Variants in TRHDE observed in about 807,000 individuals in gnomAD.
TRHDE encodes thyrotropin-releasing hormone-degrading ectoenzyme.
A neutral mutation model predicts 125.7 loss-of-function variants in TRHDE; 72 were observed. The ratio of observed to expected loss-of-function variants is 0.57; its 90% CI spans 0.47 to 0.70. The LOEUF (loss-of-function observed/expected upper bound fraction) is 0.70, where lower values mean the gene tolerates loss of function less well. Among genes scored for constraint, TRHDE ranks in the 30% least tolerant of loss-of-function variants. TRHDE has a pLI of 0.00. For missense variants in TRHDE, 1,110 were observed against 1,327.1 expected (o/e 0.84, Z 2.54); for synonymous variants, 509 against 509.1 (o/e 1.00, Z 0.00).
chr12:72,295,121 T>G (rs1880239283), intron 2 of TRHDE, among the ~76,000 whole-genome samples: 1 of 21,762 alleles, frequency 4.6e-5, no homozygotes, highest in Non-Finnish European at 8.8e-5. Context: ...ACTGCAGCTG[T>G]GGTGGGGGGT....
chr12:72,655,612 T>TA (rs1449470572), intron 17 of TRHDE, among the ~76,000 whole-genome samples: 1 of 152,154 alleles, frequency 6.6e-6, no homozygotes, highest in African/African-American at 2.4e-5. Context: ...TTAGCCACAA[T>TA]ACGTGGAAAT....
chr12:72,412,337 A>T (rs1873548371), intron 3 of TRHDE, among the ~76,000 whole-genome samples: 1 of 152,150 alleles, frequency 6.6e-6, no homozygotes, highest in Non-Finnish European at 1.5e-5. Flanking sequence ...AAGATAACCA[A>T]TTTTATTAAT....
intron 2 of TRHDE, among the ~76,000 whole-genome samples, chr12:72,252,752 C>A (rs1420261232): frequency 6.6e-6 from 1 of 152,068 alleles, no homozygotes; most frequent in Non-Finnish European, 1.5e-5. Context: ...TATGTTGAGT[C>A]TTCCAATTTG....
chr12:72,127,158 T>A (rs1875733385), intron 2 of TRHDE, among the ~76,000 whole-genome samples: 1 of 152,086 alleles, frequency 6.6e-6, no homozygotes, highest in African/African-American at 2.4e-5. Context: ...CTTACACCAG[T>A]CAGAATGGCT....
chr12:72,525,638 A>T (rs780892235), intron 6 of TRHDE, among the ~76,000 whole-genome samples: 18,051 of 117,776 alleles, frequency 0.15, 1,162 homozygotes, highest in Middle Eastern at 0.29. Flanking sequence ...TGTGTGTGAG[A>T]GAGAGAGAGA....
Position 72,668,103 on chromosome 12 carries a change from A to G in TRHDE, c.*4908A>G, listed in dbSNP as rs1875165588. On this transcript the variant is annotated 3_prime_UTR_variant, in exon 19 of 19. Transcript: ENST00000261180. ...TTCTAGAATCCCAAATTTTAATTAT[A>G]TAAGAACAACCTTTTGTTCAATTGC... 1.3e-5 allele frequency: 2 copies of G among 151,748 alleles called. No homozygotes were observed. Among genetic ancestry groups the G allele is most frequent in the African/African-American group, 2.4e-5 (1 of 41,434 alleles). 9.4% of individuals were successfully genotyped at this position (151,748 alleles called of 1,614,324 possible).
At chr12:72,479,924 G>A (rs1877086968) in intron 5 of TRHDE, among the ~76,000 whole-genome samples, 1 of 149,834 alleles carries the variant, frequency 6.7e-6, no homozygotes, top group South Asian at 2.1e-4. Flanking sequence ...TTGGTTTTTT[G>A]TCCTTGCAGT....
chr12:72,400,820 G>C (rs895091754), intron 3 of TRHDE, among the ~76,000 whole-genome samples: 6 of 152,076 alleles, frequency 3.9e-5, no homozygotes, highest in African/African-American at 1.4e-4. Flanking sequence ...ATGTTCTCTT[G>C]TGTCTTCTTA....
At chr12:72,436,652 A>C (rs572504221) in intron 3 of TRHDE, among the ~76,000 whole-genome samples, 2 of 152,018 alleles carry the variant, frequency 1.3e-5, no homozygotes, top group African/African-American at 4.8e-5. Flanking sequence ...TTCCAAGAGA[A>C]TCAGCCTGAC....
chr12:72,105,480 G>A (rs1367475584), intron 1 of TRHDE, among the ~76,000 whole-genome samples: 1 of 152,110 alleles, frequency 6.6e-6, no homozygotes, highest in Non-Finnish European at 1.5e-5. Flanking sequence ...AGCTGTGAAT[G>A]CCAAGCATGG....
intron 3 of TRHDE, among the ~76,000 whole-genome samples, chr12:72,422,269 C>T (rs1159450415): frequency 1.3e-5 from 2 of 152,102 alleles, no homozygotes; most frequent in African/African-American, 4.8e-5. Context: ...AATTGGTTAA[C>T]TTGCAGTCAG....
chr12:72,462,195 T>G lies in TRHDE; in HGVS notation c.1316-7563T>G, dbSNP rs563841524. 2.6e-5 allele frequency among the ~76,000 whole-genome samples: 4 copies of G among 152,268 alleles called. No individual in the cohort carries two copies. In the South Asian group the frequency reaches 8.3e-4, roughly 32 times the overall value. On this transcript the variant is annotated intron_variant, in intron 3 of 18. Transcript: ENST00000261180. The stretch of plus-strand genomic sequence containing the variant: ...CTAGAGTACAGCCTGGTGACAACAT[T>G]GAAGGTGAAATTCAAAGAGTGAAGT...
At chr12:72,343,338 T>C (rs1870168118) in intron 2 of TRHDE, among the ~76,000 whole-genome samples, 1 of 151,928 alleles carries the variant, frequency 6.6e-6, no homozygotes, top group Non-Finnish European at 1.5e-5. Flanking sequence ...TACAAAACAG[T>C]CGGCCGTTTA....
chr12:72,318,893 T>A (rs550625738), intron 2 of TRHDE, among the ~76,000 whole-genome samples: 8 of 151,972 alleles, frequency 5.3e-5, no homozygotes, highest in Non-Finnish European at 7.4e-5. Context: ...AGGGTACCCA[T>A]GAGAAAGGAA....
chr12:72,221,577 G>C (rs1024665175), intron 2 of TRHDE, among the ~76,000 whole-genome samples: 1 of 151,944 alleles, frequency 6.6e-6, no homozygotes, highest in African/African-American at 2.4e-5. Flanking sequence ...AAAAGGTGCA[G>C]AACTAGGGAG....
intron 2 of TRHDE, among the ~76,000 whole-genome samples, chr12:72,363,371 A>G (rs1032727899): frequency 7.9e-5 from 12 of 151,914 alleles, no homozygotes; most frequent in Non-Finnish European, 8.8e-5. Flanking sequence ...AAAATCCTCA[A>G]TAAAATACTG....
intron 2 of TRHDE, among the ~76,000 whole-genome samples, chr12:72,376,345 G>A (rs564106611): frequency 6.6e-6 from 1 of 152,110 alleles, no homozygotes; most frequent in Non-Finnish European, 1.5e-5. Context: ...TTTTTTAAAG[G>A]TCCGCTTCCT....
intron 2 of TRHDE, among the ~76,000 whole-genome samples, chr12:72,289,583 TA>T (rs1359236874): frequency 1.3e-5 from 2 of 152,208 alleles, no homozygotes; most frequent in African/African-American, 2.4e-5. Flanking sequence ...AAAGCTCTTC[TA>T]ACACTAAGGT....
chr12:72,241,129 C>T (rs1458490049), intron 2 of TRHDE, among the ~76,000 whole-genome samples: 1 of 152,148 alleles, frequency 6.6e-6, no homozygotes, highest in Non-Finnish European at 1.5e-5. Context: ...ACTCCCAATA[C>T]AAGCAGCCTT....
Sources: gnomAD v4.1 joint callset for allele counts (sites outside exome capture counted in the v4.1 genomes callset) on GRCh38, gnomAD v4.1.1 for gene constraint, MANE v1.5 for transcripts, NCBI Gene and HGNC (gene_info 2026-07-23, HGNC 2026-07-21) for gene names.